Variants in FBXL2 observed in about 807,000 individuals in gnomAD.
FBXL2 encodes F-box/LRR-repeat protein 2.
In FBXL2, 38 loss-of-function variants were observed where a neutral mutation model predicts 69.2. The observed-to-expected ratio is 0.55, with a 90% CI of 0.42 to 0.72. FBXL2 has a LOEUF of 0.72. Among genes scored for constraint, FBXL2 ranks in the 30% least tolerant of loss-of-function variants. The pLI, the probability that FBXL2 is intolerant of heterozygous loss-of-function variation, is 0.00. For synonymous variants in FBXL2, 192 were observed against 201.3 expected, an observed-to-expected ratio of 0.95 and a Z score of 0.39; for missense variants, 354 against 520.3, an observed-to-expected ratio of 0.68 and a Z score of 3.11.
intron 1 of FBXL2, among the ~76,000 whole-genome samples, chr3:33,286,435 T>A (rs1452343667): frequency 6.6e-6 from 1 of 152,198 alleles, no homozygotes; most frequent in Non-Finnish European, 1.5e-5. Flanking sequence ...GTATGAGGTG[T>A]CAGTCGGCCT....
At chr3:33,363,044 T>G (rs543044797) in intron 4 of FBXL2, among the ~76,000 whole-genome samples, 1 of 152,164 alleles carries the variant, frequency 6.6e-6, no homozygotes, top group East Asian at 1.9e-4. Context: ...GGGTTTTTTG[T>G]TTGTTTGTTT....
intron 2 of FBXL2, among the ~76,000 whole-genome samples, chr3:33,331,632 A>T (rs2039173937): frequency 6.6e-6 from 1 of 152,182 alleles, no homozygotes; most frequent in South Asian, 2.1e-4. Flanking sequence ...AACCTTTGGG[A>T]GAACTTGGCA....
intron 1 of FBXL2, among the ~76,000 whole-genome samples, chr3:33,280,973 G>T (rs371757909): frequency 6.6e-6 from 1 of 152,088 alleles, no homozygotes; most frequent in African/African-American, 2.4e-5. Flanking sequence ...CTTGTCACAG[G>T]TATTGGGAAG....
At chr3:33,360,443 G>A (rs1031632553) in intron 4 of FBXL2, among the ~76,000 whole-genome samples, 3 of 152,126 alleles carry the variant, frequency 2.0e-5, no homozygotes, top group African/African-American at 7.2e-5. Flanking sequence ...GGGCAGAGCA[G>A]AAGATTTCCC....
chr3:33,418,553 C>T, the FBXL2 span, among the ~76,000 whole-genome samples: 1 of 151,900 alleles, frequency 6.6e-6, no homozygotes, highest in Non-Finnish European at 1.5e-5. Context: ...GCCACCGCAC[C>T]CGGCCATAAG....
downstream of FBXL2, among the ~76,000 whole-genome samples, chr3:33,407,045 T>C (rs563685882): frequency 7.2e-5 from 11 of 152,364 alleles, no homozygotes; most frequent in South Asian, 2.3e-3. Flanking sequence ...CCTTCCTTTG[T>C]AGGAGTTTGA....
At chr3:33,390,236 G>T, downstream of FBXL2, 1 of 1,259,524 alleles carries the variant, frequency 7.9e-7, no homozygotes, top group South Asian at 1.3e-5. Context: ...CATTTCATAT[G>T]GTAAAATCCA....
In FBXL2 at chr3:33,359,273, C is replaced by A; in HGVS notation, c.121-10C>A. The A allele has an allele frequency of 6.2e-7, 1 of 1,607,064 alleles. No homozygotes were observed. On this transcript the variant is annotated splice_polypyrimidine_tract_variant and intron_variant, in intron 3 of 14. Coordinates refer to ENST00000484457, the MANE Select transcript of FBXL2 (RefSeq NM_012157.5). ...TCCCAATCCCTCTTCCTTTACCTCC[C>A]ACCTTCCAGGCTTGGAACATCTTAG...
At chr3:33,362,042 AG>A (rs2041661084) in intron 4 of FBXL2, among the ~76,000 whole-genome samples, 1 of 152,216 alleles carries the variant, frequency 6.6e-6, no homozygotes, top group East Asian at 1.9e-4. Context: ...GGCAAAGAAA[AG>A]GTTGAGTAAC....
At chr3:33,362,168 G>A (rs1009124719) in intron 4 of FBXL2, among the ~76,000 whole-genome samples, 3 of 152,106 alleles carry the variant, frequency 2.0e-5, no homozygotes, top group Admixed American at 6.5e-5. Flanking sequence ...AAGTGCACAC[G>A]GTACCTTCCT....
chr3:33,338,723 TA>T (rs2039779193), intron 2 of FBXL2, among the ~76,000 whole-genome samples: 1 of 152,180 alleles, frequency 6.6e-6, no homozygotes, highest in African/African-American at 2.4e-5. Flanking sequence ...TGGCTAGCCA[TA>T]TACATAAGAT....
At chr3:33,402,731 G>A (rs1169733455) in intron 12 of FBXL2, 1 of 1,145,732 alleles carries the variant, frequency 8.7e-7, no homozygotes, top group East Asian at 2.8e-5. Flanking sequence ...TGCTGTACAT[G>A]GAGAGATGGG....
At chr3:33,357,555 G>A (rs2041293166) in intron 2 of FBXL2, among the ~76,000 whole-genome samples, 1 of 119,308 alleles carries the variant, frequency 8.4e-6, no homozygotes, top group South Asian at 2.9e-4. Context: ...TTTTTGAGAC[G>A]GAGTCTCGCT....
chr3:33,342,893 G>GTTTTTTTTTTTTT (rs60623868), intron 2 of FBXL2, among the ~76,000 whole-genome samples: 1 of 99,304 alleles, frequency 1.0e-5, no homozygotes, highest in African/African-American at 3.9e-5. Flanking sequence ...ACGCCCAGCT[G>GTTTTTTTTTTTTT]TTTTTTTTTT....
At chr3:33,404,045 G>C (rs1402393444), downstream of FBXL2, among the ~76,000 whole-genome samples, 2 of 152,184 alleles carry the variant, frequency 1.3e-5, no homozygotes, top group Non-Finnish European at 2.9e-5. Context: ...AGGATAGCTT[G>C]AGCCCAGGAG....
At chr3:33,308,472 A>G (rs937524438) in intron 2 of FBXL2, among the ~76,000 whole-genome samples, 1 of 152,166 alleles carries the variant, frequency 6.6e-6, no homozygotes, top group South Asian at 2.1e-4. Flanking sequence ...AATGTCATCA[A>G]TCTTATGTCT....
At chr3:33,411,556 C>T in the FBXL2 span, 1 of 1,599,178 alleles carries the variant, frequency 6.3e-7, no homozygotes, top group Non-Finnish European at 8.6e-7. Flanking sequence ...GGTTAGTAAG[C>T]TTCTAATAAT....
rs750365147 is a variant in FBXL2, at chr3:33,377,330, T to C, written c.846T>C (p.Ala282=). Residue 282 remains alanine (A), a synonymous_variant, in exon 11 of 15, where the codon GCT becomes GCC. Transcript: ENST00000484457. The part of the protein sequence containing the change: ...HLTDAGFTLL[A]RNCHELEKMD... The stretch of plus-strand genomic sequence containing the variant: ...CTGACGCAGGTTTTACACTTTTAGC[T>C]CGGGTAAGGCATAGATTTAAAGAAT... 6.2e-7 allele frequency: 1 copy of C among 1,614,062 alleles called. No individual in the cohort carries two copies. The highest frequency in any genetic ancestry group is 8.5e-7 in the Non-Finnish European group (1 of 1,179,950).
chr3:33,394,929 C>T (rs979178581), intron 12 of FBXL2, among the ~76,000 whole-genome samples: 1 of 151,102 alleles, frequency 6.6e-6, no homozygotes, highest in Non-Finnish European at 1.5e-5. Flanking sequence ...ATGTGAGAGA[C>T]CCTATGTATG....
Sources: allele counts gnomAD v4.1 joint callset (sites outside exome capture counted in the v4.1 genomes callset), GRCh38; gene constraint gnomAD v4.1.1; transcripts MANE v1.5; gene names NCBI Gene and HGNC (gene_info 2026-07-23, HGNC 2026-07-21).